The following CDH12 variants were observed in gnomAD, a reference collection of about 807,000 sequenced individuals.
CDH12 encodes the protein cadherin 12.
A neutral mutation model predicts 74.1 loss-of-function variants in CDH12; 41 were observed. The observed-to-expected ratio is 0.55, with a 90% CI of 0.43 to 0.72. The LOEUF (loss-of-function observed/expected upper bound fraction) is 0.72, where lower values mean the gene tolerates loss of function less well. CDH12 is among the 30% of genes least tolerant of loss of function. The probability of loss-of-function intolerance (pLI) is 0.00; values close to 1 mark genes in which losing one functional copy is unlikely to be tolerated. For missense variants in CDH12, 945 were observed against 977.2 expected, an observed-to-expected ratio of 0.97 and a Z score of 0.44; for synonymous variants, 399 against 355.0, an observed-to-expected ratio of 1.12 and a Z score of -1.39.
chr5:21,890,806 T>A (rs1463775675), intron 6 of CDH12, among the ~76,000 whole-genome samples: 1 of 152,112 alleles, frequency 6.6e-6, no homozygotes, highest in Non-Finnish European at 1.5e-5. Flanking sequence ...AAAGTGAGGA[T>A]ACTGTCAAAT....
chr5:22,335,968 T>A (rs915039568), intron 3 of CDH12, among the ~76,000 whole-genome samples: 1 of 152,102 alleles, frequency 6.6e-6, no homozygotes, highest in Non-Finnish European at 1.5e-5. Flanking sequence ...TCTTAGAGAC[T>A]TACTGAATGG....
chr5:22,825,290 A>T (rs1237534965), intron 1 of CDH12, among the ~76,000 whole-genome samples: 2 of 144,470 alleles, frequency 1.4e-5, no homozygotes, highest in African/African-American at 4.9e-5. Flanking sequence ...AATTTTTTAG[A>T]AAAAGGAGAC....
At chr5:22,647,692 C>T (rs532924695) in intron 1 of CDH12, among the ~76,000 whole-genome samples, 137 of 151,930 alleles carry the variant, frequency 9.0e-4, no homozygotes, top group Admixed American at 2.0e-3. Flanking sequence ...CAAATATAGT[C>T]ACACTAGAGC....
chr5:22,447,141 C>T (rs1282202643), intron 2 of CDH12, among the ~76,000 whole-genome samples: 1 of 152,050 alleles, frequency 6.6e-6, no homozygotes, highest in Non-Finnish European at 1.5e-5. Flanking sequence ...AGTCATTCTT[C>T]TTGTATAAGG....
intron 4 of CDH12, among the ~76,000 whole-genome samples, chr5:22,135,419 C>T (rs887115560): frequency 6.6e-6 from 1 of 151,826 alleles, no homozygotes; most frequent in East Asian, 1.9e-4. Context: ...AGTTAAGGAT[C>T]TAAGCGTATA....
chr5:22,667,698 C>G (rs1740693533), intron 1 of CDH12, among the ~76,000 whole-genome samples: 1 of 152,148 alleles, frequency 6.6e-6, no homozygotes, highest in Non-Finnish European at 1.5e-5. Flanking sequence ...AGATTTTTAT[C>G]CAGCCCTCCA....
intron 1 of CDH12, among the ~76,000 whole-genome samples, chr5:22,743,315 T>C (rs1393490778): frequency 6.7e-6 from 1 of 149,408 alleles, no homozygotes; most frequent in Non-Finnish European, 1.5e-5. Context: ...TATGTATATG[T>C]ATATATGCAC....
At chr5:22,289,159 G>A (rs549637664) in intron 3 of CDH12, among the ~76,000 whole-genome samples, 1 of 152,156 alleles carries the variant, frequency 6.6e-6, no homozygotes, top group Non-Finnish European at 1.5e-5. Context: ...TGAGCCTTGA[G>A]ATTTAAAGTG....
intron 1 of CDH12, among the ~76,000 whole-genome samples, chr5:22,698,701 A>G (rs1742521387): frequency 1.5e-4 from 2 of 12,960 alleles, no homozygotes; most frequent in Middle Eastern, 0.038. Flanking sequence ...ATATATATAT[A>G]TATATATATA....
chr5:22,474,890 ATAAT>A (rs750188063), intron 2 of CDH12, among the ~76,000 whole-genome samples: 7 of 152,082 alleles, frequency 4.6e-5, no homozygotes, highest in Non-Finnish European at 7.4e-5. Flanking sequence ...CTCATTAGTA[ATAAT>A]TAATGAACCA....
At chr5:22,234,378 C>G (rs1455165573) in intron 3 of CDH12, among the ~76,000 whole-genome samples, 1 of 152,064 alleles carries the variant, frequency 6.6e-6, no homozygotes, top group East Asian at 1.9e-4. Context: ...ACTCTCATGA[C>G]TGTGAACAAG....
chr5:22,511,573 T>C (rs1268944958), intron 1 of CDH12, among the ~76,000 whole-genome samples: 1 of 152,310 alleles, frequency 6.6e-6, no homozygotes, highest in East Asian at 1.9e-4. Flanking sequence ...AAAGATAATG[T>C]CTGAAATTAT....
chr5:22,684,387 A>T (rs116030106), intron 1 of CDH12, among the ~76,000 whole-genome samples: 1,800 of 152,354 alleles, frequency 0.012, 36 homozygotes, highest in African/African-American at 0.041. Context: ...GATTTTGACT[A>T]TCAAATTTAA....
chr5:22,796,978 A>T (rs1225430803), intron 1 of CDH12, among the ~76,000 whole-genome samples: 74 of 152,270 alleles, frequency 4.9e-4, no homozygotes, highest in Non-Finnish European at 1.5e-5. Flanking sequence ...CAAAGAGTTA[A>T]TAATGGGTGG....
chr5:22,043,922 T>A (rs1271295599), intron 5 of CDH12, among the ~76,000 whole-genome samples: 1 of 152,134 alleles, frequency 6.6e-6, no homozygotes, highest in Non-Finnish European at 1.5e-5. Context: ...AAAACTCTGA[T>A]GAAAGACATT....
At chr5:22,297,442 C>T (rs1737680859) in intron 3 of CDH12, among the ~76,000 whole-genome samples, 1 of 152,074 alleles carries the variant, frequency 6.6e-6, no homozygotes, top group African/African-American at 2.4e-5. Context: ...TATGCAAAGG[C>T]TTAAAAAGAA....
intron 3 of CDH12, among the ~76,000 whole-genome samples, chr5:22,290,216 T>G (rs1236317476): frequency 6.6e-6 from 1 of 152,264 alleles, no homozygotes; most frequent in South Asian, 2.1e-4. Flanking sequence ...ATCTACACAT[T>G]ACCATAAAGT....
intron 3 of CDH12, among the ~76,000 whole-genome samples, chr5:22,308,174 C>T (rs999949488): frequency 6.6e-6 from 1 of 152,002 alleles, no homozygotes; most frequent in Non-Finnish European, 1.5e-5. Context: ...GCCCCCCGCG[C>T]CTGGCCTAGA....
At chr5:22,654,585 C>T (rs1296673833) in intron 1 of CDH12, among the ~76,000 whole-genome samples, 10 of 149,304 alleles carry the variant, frequency 6.7e-5, no homozygotes, top group Non-Finnish European at 1.2e-4. Context: ...CCACCACATC[C>T]GGCCTCGATG....
Sources: gnomAD v4.1 joint callset for allele counts (sites outside exome capture counted in the v4.1 genomes callset) on GRCh38, gnomAD v4.1.1 for gene constraint, MANE v1.5 for transcripts, NCBI Gene and HGNC (gene_info 2026-07-23, HGNC 2026-07-21) for gene names.